The following NATD1 variants were observed in gnomAD, a reference collection of about 807,000 sequenced individuals.
NATD1 encodes the protein N-acetyltransferase domain containing 1.
NATD1 carries 9 observed loss-of-function variants against 12.0 expected under a neutral mutation model. That is an observed-to-expected ratio of 0.75 (90% CI 0.45 to 1.30). The LOEUF (loss-of-function observed/expected upper bound fraction) is 1.30. Among genes scored for constraint, NATD1 ranks in the 50% most tolerant of loss-of-function variants. NATD1 has a pLI of 0.00. For synonymous variants in NATD1, 71 were observed against 65.9 expected, an observed-to-expected ratio of 1.08 and a Z score of -0.37; for missense variants, 148 against 148.5, an observed-to-expected ratio of 1.00 and a Z score of 0.02.
At chr17:21,252,502 G>C (rs145625725) in intron 1 of NATD1, among the ~76,000 whole-genome samples, 1,562 of 152,276 alleles carry the variant, frequency 0.01, 17 homozygotes, top group South Asian at 0.031. Context: ...ATTGCAGAGA[G>C]GGAGAAACTA....
chr17:21,252,869 C>G (rs981324542), intron 1 of NATD1, among the ~76,000 whole-genome samples: 2 of 151,922 alleles, frequency 1.3e-5, no homozygotes, highest in Non-Finnish European at 2.9e-5. Context: ...TTCCAGGGGC[C>G]CCTGTCCGCC....
chr17:21,244,374 T>G lies in NATD1; in HGVS notation c.107-150A>C. The G allele has an allele frequency of 1.6e-6, 1 of 631,358 alleles. No homozygotes were observed. The highest frequency in any genetic ancestry group is 2.7e-6 in the Non-Finnish European group (1 of 372,754). 39.1% of individuals were successfully genotyped at this position (631,358 alleles called of 1,614,324 possible). On this transcript the variant is annotated intron_variant, in intron 1 of 2. Coordinates refer to ENST00000611551, the MANE Select transcript of NATD1 (RefSeq NM_152914.3). This position sits in a 1 kb window ranked among gnomAD's most constrained non-coding sequence, Gnocchi z 5.2. The stretch of plus-strand genomic sequence containing the variant: ...CTCAGTGCCTCAGTCTCCTCATCCA[T>G]AAAGTGGAGGTACAATAAAATGTCC...
intron 1 of NATD1, among the ~76,000 whole-genome samples, chr17:21,245,759 C>T (rs1287732392): frequency 6.6e-6 from 1 of 152,184 alleles, no homozygotes; most frequent in Non-Finnish European, 1.5e-5. Context: ...TGCCTGATGC[C>T]CTTTCTCCGT....
chr17:21,247,318 G>A (rs548907330), intron 1 of NATD1, among the ~76,000 whole-genome samples: 1 of 152,362 alleles, frequency 6.6e-6, no homozygotes, highest in African/African-American at 2.4e-5. Context: ...CAGACCTGTG[G>A]ACAACTGGCT....
At chr17:21,252,484 T>C (rs1488884888) in intron 1 of NATD1, among the ~76,000 whole-genome samples, 4 of 152,198 alleles carry the variant, frequency 2.6e-5, no homozygotes, top group Non-Finnish European at 5.9e-5. Context: ...TGCACTGGTA[T>C]TATTCCCATT....
rs1975273924 is a variant in NATD1 at position 21,241,603 on chromosome 17, G to C, written c.*1710C>G. ...TCTCACACAAGCCCTTTGCAAAAGA[G>C]CTGACTTCCTGGAGGCCAGGGCAGG... On this transcript the variant is annotated 3_prime_UTR_variant, in exon 3 of 3. Transcript: ENST00000611551. The C allele has an allele frequency of 6.6e-6, 1 of 152,644 alleles. No homozygotes were observed. The highest frequency in any genetic ancestry group is 2.1e-4 in the South Asian group (1 of 4,844). 9.5% of individuals were successfully genotyped at this position (152,644 alleles called of 1,614,324 possible).
chr17:21,245,026 A>G (rs1308482340), intron 1 of NATD1, among the ~76,000 whole-genome samples: 5 of 152,234 alleles, frequency 3.3e-5, no homozygotes, highest in Non-Finnish European at 7.3e-5. Context: ...CTAGACATGG[A>G]GTCCTACCCC....
In NATD1 at chr17:21,244,785, C is replaced by T. The variant is rs890975295; in HGVS notation, c.107-561G>A. ...GCTGGGCACAGGAGGCAGGAACAAACGGGTTTTCACACTCCACCAGGCCTG... is the reference window on the plus strand; with the variant it reads ...GCTGGGCACAGGAGGCAGGAACAAATGGGTTTTCACACTCCACCAGGCCTG... On this transcript the variant is annotated intron_variant, in intron 1 of 2. Transcript: ENST00000611551. This position sits in a 1 kb window ranked among gnomAD's most constrained non-coding sequence, Gnocchi z 5.2. Among the ~76,000 whole-genome samples, 3 of 152,204 alleles carry T rather than the reference C, an allele frequency of 2.0e-5. No homozygotes were observed. The highest frequency in any genetic ancestry group is 6.5e-5 in the Admixed American group (1 of 15,286).
At position 21,241,335 on chromosome 17, in the gene NATD1, G is replaced by A. The variant is rs548845406; in HGVS notation, c.*1978C>T. 1 of 152,576 alleles carries A rather than the reference G, an allele frequency of 6.6e-6. No individual in the cohort carries two copies. The highest frequency in any genetic ancestry group is 2.1e-4 in the South Asian group (1 of 4,838). The allele number at this position is 152,576 out of a possible 1,614,324, so 9.5% of individuals were successfully genotyped here. Reference sequence around the variant, plus strand: ...CCTGAGTGGTCATGATTGACTATGTGCTTGAACTTGGGGAGGGACGTGTAG... The same window carrying A: ...CCTGAGTGGTCATGATTGACTATGTACTTGAACTTGGGGAGGGACGTGTAG... On this transcript the variant is annotated 3_prime_UTR_variant, in exon 3 of 3. Transcript: ENST00000611551.
At position 21,253,160 on chromosome 17, in the gene NATD1, G is replaced by A. The variant is rs1391242785; in HGVS notation, c.105C>T (p.Asn35=). 5 of 1,020,014 alleles carry A rather than the reference G, an allele frequency of 4.9e-6. No homozygotes were observed. The highest frequency in any genetic ancestry group is 4.8e-4 in the Middle Eastern group (1 of 2,084). 63.2% of individuals were successfully genotyped at this position (1,020,014 alleles called of 1,614,324 possible). A position where few individuals can be genotyped will look rare whatever the true frequency, so the allele number is the denominator to read the frequency against. The change falls in exon 1 of 3, where the codon AAC becomes AAT. Residue 35 remains asparagine, a splice_region_variant and synonymous_variant. Transcript: ENST00000611551. ...RRRRQFTVRL[N]GCHDRAVLLY... ...CGGGGCGGGCCGGGGCCGCCTTACC[G>A]TTGAGCCGGACAGTGAACTGGCGGC...
At chr17:21,245,503 C>T (rs961775970) in intron 1 of NATD1, among the ~76,000 whole-genome samples, 1 of 152,206 alleles carries the variant, frequency 6.6e-6, no homozygotes, top group Non-Finnish European at 1.5e-5. Flanking sequence ...CTGGGGCCAA[C>T]GGCAGCAAGG....
intron 1 of NATD1, among the ~76,000 whole-genome samples, chr17:21,250,011 T>C (rs1022490125): frequency 6.6e-6 from 1 of 152,204 alleles, no homozygotes; most frequent in African/African-American, 2.4e-5. Flanking sequence ...CTGTTTGCAG[T>C]GCCTGGACTA....
rs560151952 is a variant in NATD1 at position 21,250,761 on chromosome 17, C to T, written c.106+2398G>A. Among the ~76,000 whole-genome samples, 94 of 152,322 alleles carry T rather than the reference C, an allele frequency of 6.2e-4. 1 individual carries two copies. Among genetic ancestry groups the T allele is most frequent in the Admixed American group, 1.4e-3 (22 of 15,296 alleles). On this transcript the variant is annotated intron_variant, in intron 1 of 2. Coordinates refer to ENST00000611551, the MANE Select transcript of NATD1 (RefSeq NM_152914.3). ...TAAATGCTTAATAAACAAAGGTGCT[C>T]AAACGTTTTCCCTCACTCAGAACCA...
rs1975396681 is a variant in NATD1, at chr17:21,253,247, G to A, written c.18C>T (p.Ala6=). 2 of 997,512 alleles carry A rather than the reference G, an allele frequency of 2.0e-6. No individual in the cohort carries two copies. Among genetic ancestry groups the A allele is most frequent in the Non-Finnish European group, 2.4e-6 (2 of 839,360 alleles). The allele number at this position is 997,512 out of a possible 1,614,324, so 61.8% of individuals were successfully genotyped here. A position where few individuals can be genotyped will look rare whatever the true frequency, so the allele number is the denominator to read the frequency against. The change falls in exon 1 of 3, where the codon GCC becomes GCT. Residue 6 remains alanine, a synonymous_variant. Transcript: ENST00000611551. The part of the protein sequence containing the change: MAHSA[A]AVPLGALEQG... Reference sequence around the variant, plus strand: ...GCTCCAGCGCGCCCAGCGGCACGGCGGCAGCCGAGTGCGCCATCTGCGCGC... The same window carrying A: ...GCTCCAGCGCGCCCAGCGGCACGGCAGCAGCCGAGTGCGCCATCTGCGCGC...
At chr17:21,250,509 C>T (rs117675003) in intron 1 of NATD1, among the ~76,000 whole-genome samples, 458 of 152,330 alleles carry the variant, frequency 3.0e-3, no homozygotes, top group Non-Finnish European at 5.0e-3. Flanking sequence ...CCCCAGGAGA[C>T]CCCGACACCT....
chr17:21,248,163 G>A (rs559114407), intron 1 of NATD1, among the ~76,000 whole-genome samples: 1 of 152,222 alleles, frequency 6.6e-6, no homozygotes, highest in Admixed American at 6.5e-5. Context: ...CAGCAACCTC[G>A]GAGCATCTGG....
intron 1 of NATD1, among the ~76,000 whole-genome samples, chr17:21,250,916 C>T (rs753021550): frequency 1.3e-5 from 2 of 152,214 alleles, no homozygotes; most frequent in Non-Finnish European, 2.9e-5. Flanking sequence ...ACAACAGCAC[C>T]AGCCTCCAGG....
At chr17:21,251,293 G>GAAAAGAAAAAAAA in intron 1 of NATD1, among the ~76,000 whole-genome samples, 1 of 85,544 alleles carries the variant, frequency 1.2e-5, no homozygotes, top group South Asian at 5.1e-4. Context: ...GAAAGAAAAA[G>GAAAAGAAAAAAAA]AAAAAAAAAA....
chr17:21,245,384 G>A (rs1975316575), intron 1 of NATD1, among the ~76,000 whole-genome samples: 1 of 152,142 alleles, frequency 6.6e-6, no homozygotes, highest in Non-Finnish European at 1.5e-5. Context: ...TGTTTCATGA[G>A]TTTTAACTTC....
Sources: gnomAD v4.1 joint callset for allele counts (sites outside exome capture counted in the v4.1 genomes callset) on GRCh38, gnomAD v4.1.1 for gene constraint, Gnocchi (gnomAD v3.1) non-coding constraint, MANE v1.5 for transcripts, NCBI Gene and HGNC (gene_info 2026-07-23, HGNC 2026-07-21) for gene names.